FHOD3: variants seen among roughly 807,000 people sequenced by gnomAD.
The protein encoded by FHOD3 is FH1/FH2 domain-containing protein 3.
Under a neutral mutation model 173.0 loss-of-function variants are expected in FHOD3, and 90 were observed. That is an observed-to-expected ratio of 0.52 (90% confidence interval 0.44 to 0.62). FHOD3 has a LOEUF of 0.62. Ranked by LOEUF, FHOD3 falls within the 20% of genes least tolerant of loss-of-function variation. The pLI, the probability that FHOD3 is intolerant of heterozygous loss-of-function variation, is 0.00. For missense variants in FHOD3, 1,945 were observed against 2,034.7 expected, an observed-to-expected ratio of 0.96 and a Z score of 0.85; for synonymous variants, 828 against 823.0, an observed-to-expected ratio of 1.01 and a Z score of -0.10.
At chr18:36,575,640 A>G (rs943287788) in intron 5 of FHOD3, among the ~76,000 whole-genome samples, 1 of 152,212 alleles carries the variant, frequency 6.6e-6, no homozygotes, top group Non-Finnish European at 1.5e-5. Flanking sequence ...GTTATGGGTG[A>G]AATATGATTA....
chr18:36,470,219 AC>A (rs2145095418), intron 3 of FHOD3, among the ~76,000 whole-genome samples: 1 of 152,038 alleles, frequency 6.6e-6, no homozygotes, highest in African/African-American at 2.4e-5. Context: ...TACTGAGCAG[AC>A]CCCCATCCGG....
Position 36,501,947 on chromosome 18 carries a change from C to G in FHOD3, c.353C>G (p.Ser118Cys), listed in dbSNP as rs765016538. 1.2e-6 allele frequency: 2 copies of G among 1,604,086 alleles called. No homozygotes were observed. The highest frequency in any genetic ancestry group is 1.1e-5 in the South Asian group (1 of 88,962). Residue 118 changes from serine (S) to cysteine (C), a missense_variant, in exon 4 of 29, where the codon TCC becomes TGC. Physicochemically the swap from Ser to Cys is moderately radical, Grantham distance 112. Transcript: ENST00000590592. ...TTTATTTCAGAAAAACTATACAACTCCAGCGGACGAGATTTGAGAAGGGCC... is the reference window on the plus strand; with the variant it reads ...TTTATTTCAGAAAAACTATACAACTGCAGCGGACGAGATTTGAGAAGGGCC... ...VHACIEKLYN[S>C]SGRDLRRALF...
At chr18:36,371,111 G>A (rs1293028010) in intron 2 of FHOD3, among the ~76,000 whole-genome samples, 1 of 152,182 alleles carries the variant, frequency 6.6e-6, no homozygotes, top group Admixed American at 6.5e-5. Flanking sequence ...TATAAAAAAT[G>A]TAAAACAAAT....
Position 36,652,775 on chromosome 18 carries a change from CCCT to C in FHOD3, c.1498_1500del (p.Ser500del). 2.6e-6 allele frequency: 4 copies of C among 1,535,974 alleles called. No individual in the cohort carries two copies. Among genetic ancestry groups the C allele is most frequent in the Non-Finnish European group, 3.5e-6 (4 of 1,146,730 alleles). ...GTCACCCCCTGCCTCAGCTGCTCGG[CCCT>C]CCTCCGCCACACCAGGCTCCCTGAA... is the stretch of plus-strand genomic sequence containing the variant. On this transcript the variant is annotated inframe_deletion, in exon 12 of 29. Coordinates refer to ENST00000590592, the MANE Select transcript of FHOD3 (RefSeq NM_001281740.3).
At chr18:36,373,446 GA>G (rs33977115) in intron 3 of FHOD3, among the ~76,000 whole-genome samples, 152,315 of 152,320 alleles carry the variant, frequency 1, 76,155 homozygotes, top group Middle Eastern at 1. Context: ...GTCTATACCC[GA>G]AAACATATTC....
chr18:36,599,675 G>T (rs542688841), intron 7 of FHOD3, among the ~76,000 whole-genome samples: 1 of 152,164 alleles, frequency 6.6e-6, no homozygotes, highest in African/African-American at 2.4e-5. Context: ...AAGTAAGAGG[G>T]GAGAAGTATT....
intron 5 of FHOD3, among the ~76,000 whole-genome samples, chr18:36,573,844 T>A (rs553924493): frequency 1.3e-5 from 2 of 152,170 alleles, no homozygotes; most frequent in Non-Finnish European, 2.9e-5. Context: ...CACCTTTGCT[T>A]CCTTTTTTAT....
intron 7 of FHOD3, among the ~76,000 whole-genome samples, chr18:36,602,165 A>G (rs1291695069): frequency 1.3e-5 from 2 of 152,164 alleles, no homozygotes; most frequent in East Asian, 3.8e-4. Context: ...CTGATACTTA[A>G]TAGTATTTGT....
chr18:36,393,404 A>G (rs899212131), intron 3 of FHOD3, among the ~76,000 whole-genome samples: 1 of 152,136 alleles, frequency 6.6e-6, no homozygotes. Flanking sequence ...TGTGAATTGT[A>G]GGATTCTTGG....
chr18:36,764,884 G>A (rs1054842771), intron 27 of FHOD3, among the ~76,000 whole-genome samples: 1 of 152,158 alleles, frequency 6.6e-6, no homozygotes, highest in Admixed American at 6.5e-5. Flanking sequence ...ACTGTAAAAG[G>A]AAAGAGGACT....
rs1436627051 is a variant in FHOD3 at position 36,652,601 on chromosome 18, A to G, written c.1318A>G (p.Thr440Ala). The change falls in exon 12 of 29, where the codon ACT becomes GCT. Residue 440 changes from threonine (T) to alanine (A), a missense_variant. Physicochemically the swap from Thr to Ala is moderately conservative, Grantham distance 58 (BLOSUM62 0). Around this residue, in one of 5 missense-constraint regions of FHOD3, gnomAD observed 1,099 missense variants for 1,051.2 expected, o/e 1.05. Transcript: ENST00000590592. ...KVGAASGQSP[T>A]GRDAAPKSSA... ...CGGCGCTGCCTCAGGGCAGAGCCCC[A>G]CTGGAAGGGATGCTGCTCCCAAGAG... is the stretch of plus-strand genomic sequence containing the variant. 1.2e-5 allele frequency: 18 copies of G among 1,534,272 alleles called. No homozygotes were observed. The highest frequency in any genetic ancestry group is 5.9e-5 in the Admixed American group (3 of 50,936).
intron 5 of FHOD3, among the ~76,000 whole-genome samples, chr18:36,562,423 A>G (rs2058119914): frequency 1.3e-5 from 2 of 152,238 alleles, no homozygotes; most frequent in Admixed American, 1.3e-4. Flanking sequence ...CTTGTTTAAA[A>G]ACATTATTTA....
chr18:36,361,026 A>T (rs560073160), intron 2 of FHOD3, among the ~76,000 whole-genome samples: 4 of 152,320 alleles, frequency 2.6e-5, no homozygotes, highest in African/African-American at 9.6e-5. Flanking sequence ...AGAGATTCTG[A>T]TGAGGGTGCA....
intron 3 of FHOD3, among the ~76,000 whole-genome samples, chr18:36,444,856 G>A (rs2051375385): frequency 6.6e-6 from 1 of 152,116 alleles, no homozygotes. Context: ...GTAATGACAT[G>A]TAGGCTTTTA....
Position 36,298,007 on chromosome 18 carries a change from C to T in FHOD3, c.165+7C>T. The T allele has an allele frequency of 1.3e-6, 2 of 1,531,644 alleles. No homozygotes were observed. The highest frequency in any genetic ancestry group is 1.8e-6 in the Non-Finnish European group (2 of 1,140,486). 94.9% of individuals were successfully genotyped at this position (1,531,644 alleles called of 1,614,324 possible). A position where few individuals can be genotyped will look rare whatever the true frequency, so the allele number is the denominator to read the frequency against. On this transcript the variant is annotated splice_region_variant and intron_variant, in intron 1 of 28. Transcript: ENST00000590592. ...GCTGCAGGCGCCGCACAAGGTACGA[C>T]CCGGCGGGGTGGGCTGGGCCCCCTG...
chr18:36,700,653 C>A (rs56138916), intron 17 of FHOD3, among the ~76,000 whole-genome samples: 2 of 152,126 alleles, frequency 1.3e-5, no homozygotes, highest in Non-Finnish European at 2.9e-5. Flanking sequence ...CCAGGCTCTT[C>A]TCAGCAACCC....
At chr18:36,592,317 T>C (rs796344518) in intron 6 of FHOD3, among the ~76,000 whole-genome samples, 11 of 152,346 alleles carry the variant, frequency 7.2e-5, no homozygotes, top group African/African-American at 2.4e-4. Context: ...ATTTCTCTGA[T>C]CTGAAGGATG....
At chr18:36,611,495 C>G (rs1308034775) in intron 8 of FHOD3, among the ~76,000 whole-genome samples, 3 of 152,174 alleles carry the variant, frequency 2.0e-5, no homozygotes, top group Non-Finnish European at 2.9e-5. Context: ...TGTGGTTGCT[C>G]CTGCCTCGAG....
intron 24 of FHOD3, among the ~76,000 whole-genome samples, chr18:36,749,490 T>G (rs2042308240): frequency 6.6e-6 from 1 of 152,222 alleles, no homozygotes; most frequent in African/African-American, 2.4e-5. Context: ...CCATCCATGT[T>G]CCCACAAAAG....
Sources: allele counts gnomAD v4.1 joint callset (sites outside exome capture counted in the v4.1 genomes callset), GRCh38; gene constraint gnomAD v4.1.1; regional missense constraint gnomAD v4.1.1; transcripts MANE v1.5; gene names NCBI Gene and HGNC (gene_info 2026-07-23, HGNC 2026-07-21).